DNAH12: variants seen among roughly 807,000 people sequenced by gnomAD.
The protein encoded by DNAH12 is dynein axonemal heavy chain 12, also known as axonemal beta dynein heavy chain 12.
In DNAH12, 285 loss-of-function variants were observed where a neutral mutation model predicts 371.5. The observed-to-expected ratio is 0.77, with a 90% CI of 0.70 to 0.85. DNAH12 has a LOEUF of 0.85. Among genes scored for constraint, DNAH12 ranks in the 40% least tolerant of loss-of-function variants. The pLI is 0.00. For missense variants in DNAH12, 3,611 were observed against 3,689.4 expected (o/e 0.98, Z 0.55); for synonymous variants, 1,200 against 1,213.0 (o/e 0.99, Z 0.22).
chr3:57,461,419 T>A (rs975748555), intron 19 of DNAH12, 70 bp downstream of exon 19: 1 of 1,419,400 alleles, frequency 7.0e-7, no homozygotes, highest in African/African-American at 1.4e-5. Flanking sequence ...CTTATTACCA[T>A]GAGAGCGTAT....
intron 43 of DNAH12, among the ~76,000 whole-genome samples, chr3:57,397,093 C>G (rs2063757609): frequency 6.6e-6 from 1 of 152,076 alleles, no homozygotes; most frequent in Non-Finnish European, 1.5e-5. Flanking sequence ...ATAATTTAAC[C>G]ACAATAATCT....
At chr3:57,325,962 G>C (rs537151809) in intron 62 of DNAH12, among the ~76,000 whole-genome samples, 1 of 152,124 alleles carries the variant, frequency 6.6e-6, no homozygotes, top group Non-Finnish European at 1.5e-5. Flanking sequence ...GGAAGAAAGG[G>C]TATCAGTGAT....
chr3:57,458,885 A>C (rs1045548245), intron 20 of DNAH12, among the ~76,000 whole-genome samples: 1 of 152,196 alleles, frequency 6.6e-6, no homozygotes, highest in African/African-American at 2.4e-5. Flanking sequence ...CTGACCTCTG[A>C]TCTACAAGAA....
intron 13 of DNAH12, among the ~76,000 whole-genome samples, chr3:57,476,375 C>T (rs964571070): frequency 2.6e-5 from 4 of 151,998 alleles, no homozygotes; most frequent in Admixed American, 6.6e-5. Context: ...ACCAGCCTGG[C>T]CAATATGGTG....
chr3:57,420,064 C>T (rs1444550376), intron 36 of DNAH12, among the ~76,000 whole-genome samples: 1 of 152,140 alleles, frequency 6.6e-6, no homozygotes, highest in African/African-American at 2.4e-5. Flanking sequence ...GCATTTTGAT[C>T]CAGGCTGAAA....
intron 13 of DNAH12, among the ~76,000 whole-genome samples, chr3:57,481,331 G>T (rs1559705585): frequency 1.3e-5 from 2 of 152,158 alleles, no homozygotes; most frequent in Non-Finnish European, 2.9e-5. Flanking sequence ...TTGCTTCAAA[G>T]AGAATAAAAC....
intron 11 of DNAH12, among the ~76,000 whole-genome samples, chr3:57,499,018 C>A (rs200787390): frequency 4.8e-5 from 3 of 61,990 alleles, no homozygotes; most frequent in Non-Finnish European, 7.4e-5. Flanking sequence ...AACAAAAACA[C>A]ACACACACAA....
chr3:57,541,516 C>T (rs958342930), intron 2 of DNAH12, among the ~76,000 whole-genome samples: 1 of 151,928 alleles, frequency 6.6e-6, no homozygotes, highest in Non-Finnish European at 1.5e-5. Flanking sequence ...CAGGCATGCC[C>T]CACCACACCT....
intron 62 of DNAH12, among the ~76,000 whole-genome samples, chr3:57,326,233 G>A (rs1281586716): frequency 2.0e-5 from 3 of 151,636 alleles, no homozygotes; most frequent in Non-Finnish European, 4.4e-5. Flanking sequence ...TCCTCGAGAA[G>A]AGCAACTCCA....
chr3:57,542,373 A>G (rs2069328083), intron 2 of DNAH12, among the ~76,000 whole-genome samples: 1 of 152,164 alleles, frequency 6.6e-6, no homozygotes, highest in African/African-American at 2.4e-5. Flanking sequence ...AACCAGACCA[A>G]CCAGGTCCAA....
intron 58 of DNAH12, among the ~76,000 whole-genome samples, chr3:57,361,379 ACT>A (rs2062924040): frequency 2.1e-5 from 3 of 145,508 alleles, no homozygotes. Flanking sequence ...ATATACACAC[ACT>A]TATATATATA....
intron 35 of DNAH12, among the ~76,000 whole-genome samples, chr3:57,424,647 T>A (rs11915497): frequency 0.078 from 11,433 of 147,476 alleles, 585 homozygotes; most frequent in Non-Finnish European, 0.12. Context: ...GTGGTGGCAG[T>A]CACCTGTAAT....
At chr3:57,554,802 A>G in the DNAH12 span, among the ~76,000 whole-genome samples, 12 of 152,006 alleles carry the variant, frequency 7.9e-5, no homozygotes, top group Non-Finnish European at 1.5e-4. Context: ...TTTTTAGTAG[A>G]GACGGGGTTT....
rs981713469 is a variant in DNAH12 at position 57,536,871 on chromosome 3, T to C, written c.170+5830A>G. 5.3e-5 allele frequency among the ~76,000 whole-genome samples: 8 copies of C among 152,364 alleles called. No individual in the cohort carries two copies. In the East Asian group the frequency reaches 1.2e-3, roughly 22 times the overall value. On this transcript the variant is annotated intron_variant, in intron 2 of 73. Coordinates refer to ENST00000495027, the MANE Select transcript of DNAH12 (RefSeq NM_001366028.2). ...TAAATAAAAAGAGCTGGGAAGAACA[T>C]ACAAGTGAGCCTTTTCACTACCTGA... is the stretch of plus-strand genomic sequence containing the variant.
At chr3:57,509,982 C>A (rs1469328468) in intron 5 of DNAH12, among the ~76,000 whole-genome samples, 1 of 147,428 alleles carries the variant, frequency 6.8e-6, no homozygotes, top group Admixed American at 6.9e-5. Context: ...CCACCACACA[C>A]AAAAAATGAT....
chr3:57,398,349 A>AGT (rs2063787434), intron 43 of DNAH12, among the ~76,000 whole-genome samples: 6 of 152,216 alleles, frequency 3.9e-5, no homozygotes, highest in Admixed American at 2.6e-4. Flanking sequence ...TATGAGAGAG[A>AGT]GAAAGAGAGG....
chr3:57,421,650 G>A lies in DNAH12; in HGVS notation c.5430C>T (p.Gly1810=), dbSNP rs1279179661. The part of the protein sequence containing the change: ...WSIGGSCDTD[G]RRVFDTFIRL... ...GTATGAAAGTATCAAAAACACGACG[G>A]CCATCTGTATCACAACTTCCTCCAA... Residue 1810 remains glycine (G), a synonymous_variant, in exon 36 of 74, where the codon GGC becomes GGT. Coordinates refer to ENST00000495027, the MANE Select transcript of DNAH12 (RefSeq NM_001366028.2). 5 of 1,551,412 alleles carry A rather than the reference G, an allele frequency of 3.2e-6. No homozygotes were observed. The highest frequency in any genetic ancestry group is 3.5e-6 in the Non-Finnish European group (4 of 1,146,984).
chr3:57,533,922 C>T (rs1163610192), intron 2 of DNAH12, among the ~76,000 whole-genome samples: 1 of 152,238 alleles, frequency 6.6e-6, no homozygotes, highest in Non-Finnish European at 1.5e-5. Context: ...CAGCTCAGCA[C>T]TAGGACTTAC....
upstream of DNAH12, among the ~76,000 whole-genome samples, chr3:57,546,150 C>T (rs1559772579): frequency 6.6e-6 from 1 of 152,106 alleles, no homozygotes. Context: ...CCCAGGGTAG[C>T]GGGGTCGGGG....
Sources: allele counts gnomAD v4.1 joint callset (sites outside exome capture counted in the v4.1 genomes callset), GRCh38; gene constraint gnomAD v4.1.1; transcripts MANE v1.5; gene names NCBI Gene and HGNC (gene_info 2026-07-23, HGNC 2026-07-21).